The following FAT1 variants were observed in gnomAD, a reference collection of about 807,000 sequenced individuals.
FAT1 encodes FAT atypical cadherin 1.
Under a neutral mutation model 329.8 loss-of-function variants are expected in FAT1, and 171 were observed. The observed-to-expected ratio is 0.52, with a 90% confidence interval of 0.46 to 0.59. The LOEUF (loss-of-function observed/expected upper bound fraction) is 0.59, where lower values mean the gene tolerates loss of function less well. FAT1 is among the 20% of genes least tolerant of loss of function. FAT1 has a pLI of 0.00. For missense variants in FAT1, 5,672 were observed against 5,774.4 expected, an observed-to-expected ratio of 0.98 and a Z score of 0.57; for synonymous variants, 2,233 against 2,228.6, an observed-to-expected ratio of 1.00 and a Z score of -0.06.
At chr4:186,634,831 G>C (rs998327512) in intron 6 of FAT1, among the ~76,000 whole-genome samples, 1 of 152,200 alleles carries the variant, frequency 6.6e-6, no homozygotes, top group East Asian at 1.9e-4. Flanking sequence ...AAGCAAGCGC[G>C]CATGGAAAGC....
intron 2 of FAT1, among the ~76,000 whole-genome samples, chr4:186,670,033 T>C (rs979044236): frequency 7.2e-5 from 11 of 152,204 alleles, no homozygotes; most frequent in African/African-American, 2.2e-4. Flanking sequence ...AATAAAGTTA[T>C]AGCTATGATG....
intron 4 of FAT1, among the ~76,000 whole-genome samples, 171 bp from the exon 5 acceptor site, chr4:186,637,085 C>T (rs1299038211): frequency 6.6e-6 from 1 of 152,160 alleles, no homozygotes; most frequent in Non-Finnish European, 1.5e-5. Context: ...GGAGGTGAGG[C>T]AGCACCTCCC....
chr4:186,683,327 A>G (rs1743312702), intron 2 of FAT1, among the ~76,000 whole-genome samples: 1 of 152,010 alleles, frequency 6.6e-6, no homozygotes, highest in Non-Finnish European at 1.5e-5. Context: ...TAGCTCCAAG[A>G]AGGGCACAGC....
intron 7 of FAT1, among the ~76,000 whole-genome samples, chr4:186,629,583 AAAC>A (rs1740489459): frequency 2.0e-5 from 3 of 152,182 alleles, no homozygotes; most frequent in African/African-American, 7.2e-5. Flanking sequence ...AAGAAGAAGA[AAAC>A]TGCGCTTCGT....
At chr4:186,665,969 A>T (rs1372318644) in intron 2 of FAT1, among the ~76,000 whole-genome samples, 4 of 140,772 alleles carry the variant, frequency 2.8e-5, no homozygotes, top group African/African-American at 1.1e-4. Flanking sequence ...TCTCACTCAC[A>T]GGTGGGAATT....
intron 9 of FAT1, among the ~76,000 whole-genome samples, chr4:186,627,537 C>T (rs1346543430): frequency 2.6e-5 from 4 of 152,064 alleles, no homozygotes; most frequent in Admixed American, 1.3e-4. Context: ...TTTTTTGCTG[C>T]CCTTGCTGCC....
rs184568647 is a variant in FAT1 at position 186,649,326 on chromosome 4, T to C, written c.3581-9543A>G. 2.3e-3 allele frequency among the ~76,000 whole-genome samples: 351 copies of C among 152,338 alleles called. 1 individual carries two copies. The highest frequency in any genetic ancestry group is 3.3e-3 in the Admixed American group (50 of 15,302). On this transcript the variant is annotated intron_variant, in intron 3 of 26. Coordinates refer to ENST00000441802, the MANE Select transcript of FAT1 (RefSeq NM_005245.4). ...ATCTAAATGGCTATATACATTTCCATTGAACAGCATATTTTCCGTCTTCTT... is the reference window on the plus strand; with the variant it reads ...ATCTAAATGGCTATATACATTTCCACTGAACAGCATATTTTCCGTCTTCTT...
intron 3 of FAT1, among the ~76,000 whole-genome samples, chr4:186,651,885 C>A (rs1417454660): frequency 6.6e-6 from 1 of 152,220 alleles, no homozygotes. Context: ...CTTTCGGCAG[C>A]TGTGGCCGTC....
intron 3 of FAT1, among the ~76,000 whole-genome samples, chr4:186,662,874 T>C (rs1265535138): frequency 1.3e-5 from 2 of 152,060 alleles, no homozygotes; most frequent in Non-Finnish European, 2.9e-5. Context: ...TCTCACTCTG[T>C]CGCCCAGGCT....
upstream of FAT1, among the ~76,000 whole-genome samples, chr4:186,724,896 G>A (rs922649537): frequency 1.3e-5 from 2 of 152,232 alleles, no homozygotes; most frequent in Non-Finnish European, 2.9e-5. This position sits in a 1 kb window ranked among gnomAD's most constrained non-coding sequence, Gnocchi z 5.3. Context: ...TGGCGGGGAG[G>A]GGAACGGCAG....
At chr4:186,592,196 C>CT (rs1438380841) in intron 26 of FAT1, among the ~76,000 whole-genome samples, 1 of 152,156 alleles carries the variant, frequency 6.6e-6, no homozygotes, top group African/African-American at 2.4e-5. Context: ...TCTTACAACT[C>CT]TGAGCAGATA....
At position 186,612,647 on chromosome 4, in the gene FAT1, C is replaced by T. The variant is rs150336274; in HGVS notation, c.9463+462G>A. Among the ~76,000 whole-genome samples the T allele has an allele frequency of 5.3e-5, 8 of 152,268 alleles. No homozygotes were observed. In the East Asian group the frequency reaches 1.5e-3, roughly 29 times the overall value. The stretch of plus-strand genomic sequence containing the variant: ...CTATAATAAATAAGGAATACTCAAC[C>T]TGTGGTATGACTGAAGAAGTTATTC... On this transcript the variant is annotated intron_variant, in intron 13 of 26. Coordinates refer to ENST00000441802, the MANE Select transcript of FAT1 (RefSeq NM_005245.4).
chr4:186,622,716 C>T (rs935755591), intron 9 of FAT1, among the ~76,000 whole-genome samples: 1 of 152,190 alleles, frequency 6.6e-6, no homozygotes, highest in Admixed American at 6.5e-5. Context: ...TTCTCTACAG[C>T]CCTTTTGGAT....
At chr4:186,721,830 C>A (rs764548052) in intron 1 of FAT1, among the ~76,000 whole-genome samples, 1 of 152,182 alleles carries the variant, frequency 6.6e-6, no homozygotes, top group Non-Finnish European at 1.5e-5. Context: ...TTAGTTTGTG[C>A]ATAATTTTTA....
In FAT1 at chr4:186,609,192, G is replaced by A; in HGVS notation, c.10197C>T (p.Asp3399=). 6.2e-7 allele frequency: 1 copy of A among 1,612,152 alleles called. No individual in the cohort carries two copies. The highest frequency in any genetic ancestry group is 8.5e-7 in the Non-Finnish European group (1 of 1,179,354). The stretch of plus-strand genomic sequence containing the variant: ...AACCTTTTTCACTTACCGTTTCTCG[G>A]TCGAGAAGTTTGGTCACTTTGACTT... The part of the protein sequence containing the change: ...RGEVKVTKLL[D]RETISGYTLT... The change falls in exon 16 of 27, where the codon GAC becomes GAT. Residue 3399 remains aspartate (D), a synonymous_variant. Transcript: ENST00000441802.
chr4:186,634,256 T>TA (rs1174942344), intron 6 of FAT1, among the ~76,000 whole-genome samples: 1 of 151,910 alleles, frequency 6.6e-6, no homozygotes, highest in East Asian at 1.9e-4. Flanking sequence ...ATGTTAACTC[T>TA]AAAAAAAATA....
chr4:186,595,562 A>T, intron 26 of FAT1, 127 bp downstream of exon 26: 1 of 1,081,420 alleles, frequency 9.2e-7, no homozygotes, highest in Non-Finnish European at 1.3e-6. Flanking sequence ...GGTATTGTTT[A>T]AAAGTGGTCC....
intron 9 of FAT1, 63 bp from the exon 10 acceptor site, chr4:186,621,838 A>G: frequency 2.0e-6 from 2 of 994,050 alleles, no homozygotes; most frequent in South Asian, 1.9e-5. Context: ...AGTAGTAGTT[A>G]GAGAAACAGA....
intron 1 of FAT1, among the ~76,000 whole-genome samples, chr4:186,722,816 T>A (rs913894276): frequency 2.0e-5 from 3 of 152,026 alleles, no homozygotes. Flanking sequence ...ACTGTTAATA[T>A]CCACTTTTAA....
Sources: allele counts gnomAD v4.1 joint callset (sites outside exome capture counted in the v4.1 genomes callset), GRCh38; gene constraint gnomAD v4.1.1; non-coding constraint Gnocchi (gnomAD v3.1); transcripts MANE v1.5; gene names NCBI Gene and HGNC (gene_info 2026-07-23, HGNC 2026-07-21).